CRB1: variants seen among roughly 807,000 people sequenced by gnomAD.
CRB1 encodes crumbs cell polarity complex component 1.
In CRB1, 83 loss-of-function variants were observed where a neutral mutation model predicts 120.0. That is an observed-to-expected ratio of 0.69 (90% CI 0.58 to 0.83). The LOEUF is 0.83. Ranked by LOEUF, CRB1 falls within the 40% of genes least tolerant of loss-of-function variation. The pLI is 0.00. For synonymous variants in CRB1, 625 were observed against 612.5 expected, an observed-to-expected ratio of 1.02 and a Z score of -0.30; for missense variants, 1,699 against 1,687.6, an observed-to-expected ratio of 1.01 and a Z score of -0.12.
intron 5 of CRB1, among the ~76,000 whole-genome samples, chr1:197,396,600 A>C (rs939199397): frequency 1.3e-5 from 2 of 152,150 alleles, no homozygotes; most frequent in East Asian, 3.8e-4. Context: ...AGCAATCAAG[A>C]TAATGTAGAG....
intron 4 of CRB1, among the ~76,000 whole-genome samples, chr1:197,355,134 GAC>G (rs1281331438): frequency 6.6e-6 from 1 of 151,898 alleles, no homozygotes; most frequent in Non-Finnish European, 1.5e-5. Context: ...CCTTAAGCTA[GAC>G]ACAGAGTGCT....
the CRB1 span, among the ~76,000 whole-genome samples, chr1:197,232,413 A>C: frequency 6.6e-6 from 1 of 152,070 alleles, no homozygotes; most frequent in South Asian, 2.1e-4. Flanking sequence ...AACAGTAAGG[A>C]GTCAGGTCGA....
chr1:197,366,070 G>C (rs934374966), intron 5 of CRB1, among the ~76,000 whole-genome samples: 15 of 151,878 alleles, frequency 9.9e-5, no homozygotes, highest in South Asian at 2.1e-4. Context: ...GCTTCAGGTA[G>C]AAAAGCAAGT....
chr1:197,291,824 C>G (rs1269298606), intron 1 of CRB1, among the ~76,000 whole-genome samples: 1 of 151,832 alleles, frequency 6.6e-6, no homozygotes, highest in Non-Finnish European at 1.5e-5. Context: ...TCTTTGCTTT[C>G]CCATCTATAT....
intron 5 of CRB1, among the ~76,000 whole-genome samples, chr1:197,415,636 CTTTTCTTTT>C (rs1663947698): frequency 3.0e-5 from 3 of 101,324 alleles, no homozygotes; most frequent in African/African-American, 7.8e-5. Context: ...TTTCTTTTTT[CTTTTCTTTT>C]TTTTTTTTTT....
At chr1:197,374,725 C>A (rs1306581703) in intron 5 of CRB1, among the ~76,000 whole-genome samples, 1 of 152,064 alleles carries the variant, frequency 6.6e-6, no homozygotes, top group African/African-American at 2.4e-5. Flanking sequence ...CAAATAAAAT[C>A]ATCATTTTTT....
chr1:197,376,211 C>G (rs568575672), intron 5 of CRB1, among the ~76,000 whole-genome samples: 1 of 152,112 alleles, frequency 6.6e-6, no homozygotes, highest in Non-Finnish European at 1.5e-5. Flanking sequence ...CTCATGTAAT[C>G]TCTTGACTTT....
Position 197,364,158 on chromosome 1 carries a change from C to T in CRB1, c.1171+7145C>T, listed in dbSNP as rs1660938640. The T allele has an allele frequency of 8.6e-6, 5 of 583,358 alleles. No individual in the cohort carries two copies. In the East Asian group the frequency reaches 1.4e-4, roughly 16 times the overall value. 36.1% of individuals were successfully genotyped at this position (583,358 alleles called of 1,614,324 possible). On this transcript the variant is annotated intron_variant, in intron 5 of 11. Transcript: ENST00000367400. ...ATGAAACCCTCATCCAGTTTTGTCTCCATCTCTTTTTTTTATACAATCCCA... is the reference window on the plus strand; with the variant it reads ...ATGAAACCCTCATCCAGTTTTGTCTTCATCTCTTTTTTTTATACAATCCCA...
Position 197,328,516 on chromosome 1 carries a change from T to C in CRB1, c.165T>C (p.Ser55=), listed in dbSNP as rs1358305005. The change falls in exon 2 of 12, where the codon TCT becomes TCC. Residue 55 remains serine, a synonymous_variant. Transcript: ENST00000367400. ...CKDFSKDNDC[S]CSDTANNLDK... The stretch of plus-strand genomic sequence containing the variant: ...ATTTTTCAAAAGACAATGATTGTTC[T>C]TGTTCAGACACAGCCAATAATTTGG... The C allele has an allele frequency of 2.5e-6, 4 of 1,614,242 alleles. No individual in the cohort carries two copies. Among genetic ancestry groups the C allele is most frequent in the Non-Finnish European group, 3.4e-6 (4 of 1,180,032 alleles).
intron 6 of CRB1, among the ~76,000 whole-genome samples, chr1:197,426,967 A>G (rs1217119787): frequency 6.6e-6 from 1 of 152,218 alleles, no homozygotes; most frequent in East Asian, 1.9e-4. Context: ...AAGAATAATT[A>G]GGTTTAATGA....
Position 197,421,167 on chromosome 1 carries a change from C to T in CRB1, c.1339C>T (p.His447Tyr). The T allele has an allele frequency of 6.2e-7, 1 of 1,614,170 alleles. No individual in the cohort carries two copies. Among genetic ancestry groups the T allele is most frequent in the Non-Finnish European group, 8.5e-7 (1 of 1,180,022 alleles). ...DCSDILLGCT[H>Y]QQCLNNGTCI... ...TTCTGATATTCTCCTGGGCTGTACC[C>T]ATCAGCAATGTCTAAATAATGGAAC... The change falls in exon 6 of 12, where the codon CAT (histidine) becomes TAT (tyrosine). Residue 447 changes from histidine (H) to tyrosine (Y), a missense_variant. His to Tyr is a moderately conservative substitution (Grantham distance 83, BLOSUM62 2). Coordinates refer to ENST00000367400, the MANE Select transcript of CRB1 (RefSeq NM_201253.3).
chr1:197,327,256 T>C (rs1181692772), intron 1 of CRB1, among the ~76,000 whole-genome samples: 3 of 152,128 alleles, frequency 2.0e-5, no homozygotes, highest in Non-Finnish European at 2.9e-5. Context: ...AATGAAAAGA[T>C]TGATAATAAA....
chr1:197,264,530 G>C (rs535811153), upstream of CRB1, among the ~76,000 whole-genome samples: 1 of 151,436 alleles, frequency 6.6e-6, no homozygotes, highest in East Asian at 1.9e-4. Flanking sequence ...TCTATTTTAA[G>C]TTCTTTGAGT....
intron 1 of CRB1, among the ~76,000 whole-genome samples, chr1:197,285,269 TAATA>T (rs1189454913): frequency 6.6e-6 from 1 of 151,896 alleles, no homozygotes; most frequent in Non-Finnish European, 1.5e-5. Flanking sequence ...CTATTTTTTA[TAATA>T]AATAACCATG....
At chr1:197,237,606 C>T in the CRB1 span, among the ~76,000 whole-genome samples, 64 of 152,250 alleles carry the variant, frequency 4.2e-4, 1 homozygote, top group Non-Finnish European at 8.7e-4. Context: ...TAGTTGGTGT[C>T]GCTAAAGGAA....
Position 197,276,694 on chromosome 1 carries a change from G to A in CRB1, c.70+8212G>A, listed in dbSNP as rs560263883. ...CAAGTGCAAAGACCCTGAAGCAGGA[G>A]CGTGCCTATAGTGTTTGAGATACTG... On this transcript the variant is annotated intron_variant, in intron 1 of 11. Transcript: ENST00000367400. Among the ~76,000 whole-genome samples, 157 of 152,062 alleles carry A rather than the reference G, an allele frequency of 1.0e-3. 1 individual carries two copies. The highest frequency in any genetic ancestry group is 3.5e-3 in the African/African-American group (147 of 41,526).
chr1:197,296,956 C>G (rs1656561589), intron 1 of CRB1, among the ~76,000 whole-genome samples: 1 of 152,018 alleles, frequency 6.6e-6, no homozygotes, highest in African/African-American at 2.4e-5. Flanking sequence ...ATAAATTACC[C>G]AGTCTCAGTT....
intron 5 of CRB1, among the ~76,000 whole-genome samples, chr1:197,412,529 T>A (rs1663762400): frequency 6.6e-6 from 1 of 152,160 alleles, no homozygotes; most frequent in Non-Finnish European, 1.5e-5. Context: ...TTATTTTGAT[T>A]CCCTGAGGGC....
chr1:197,240,262 A>G, the CRB1 span, among the ~76,000 whole-genome samples: 4 of 152,118 alleles, frequency 2.6e-5, no homozygotes, highest in Admixed American at 1.3e-4. Flanking sequence ...ATACATGTGC[A>G]GAACGTGCAG....
Sources: allele counts gnomAD v4.1 joint callset (sites outside exome capture counted in the v4.1 genomes callset), GRCh38; gene constraint gnomAD v4.1.1; transcripts MANE v1.5; gene names NCBI Gene and HGNC (gene_info 2026-07-23, HGNC 2026-07-21).